GATD1: variants seen among roughly 807,000 people sequenced by gnomAD.
The protein encoded by GATD1 is glutamine amidotransferase class 1 domain containing 1, also known as glutamine amidotransferase-like class 1 domain-containing protein 1.
In GATD1, 23 loss-of-function variants were observed where a neutral mutation model predicts 25.9. The observed-to-expected ratio is 0.89, with a 90% CI of 0.64 to 1.26. The LOEUF (loss-of-function observed/expected upper bound fraction) is 1.26, where lower values mean the gene tolerates loss of function less well. Ranked by LOEUF, GATD1 falls within the 50% of genes most tolerant of loss-of-function variation. The pLI, the probability that GATD1 is intolerant of heterozygous loss-of-function variation, is 0.00. For synonymous variants in GATD1, 177 were observed against 134.6 expected (o/e 1.31, Z -2.18); for missense variants, 347 against 312.5 (o/e 1.11, Z -0.83).
chr11:773,934 C>T, intron 3 of GATD1, 74 bp downstream of exon 3: 1 of 1,409,024 alleles, frequency 7.1e-7, no homozygotes, highest in Non-Finnish European at 9.9e-7. Context: ...CACTAAGACC[C>T]CAAACCTATC....
intron 4 of GATD1, chr11:772,759 A>C (rs1863582291): frequency 3.5e-6 from 2 of 572,986 alleles, no homozygotes; most frequent in Non-Finnish European, 6.3e-6. Flanking sequence ...TTAGAGCCCA[A>C]ATCTCAGGTT....
chr11:777,359 G>A (rs965626868), intron 1 of GATD1, 40 bp downstream of exon 1: 2 of 1,267,918 alleles, frequency 1.6e-6, no homozygotes, highest in Admixed American at 3.9e-5. Context: ...GCCCCCTCGC[G>A]GACGCTCTTC....
Position 769,177 on chromosome 11 carries a change from G to A in GATD1, c.*1720C>T. 1.0e-6 allele frequency: 1 copy of A among 985,468 alleles called. No individual in the cohort carries two copies. The highest frequency in any genetic ancestry group is 1.2e-6 in the Non-Finnish European group (1 of 829,956). The allele number at this position is 985,468 out of a possible 1,614,324, so 61.0% of individuals were successfully genotyped here. On this transcript the variant is annotated 3_prime_UTR_variant, in exon 8 of 8. Transcript: ENST00000319863. The stretch of plus-strand genomic sequence containing the variant: ...CGGGGATGAGAGTGGACCCGGGACA[G>A]AGCAAGGCCCCGTGGCCAGTGCTAA...
Position 771,425 on chromosome 11 carries a change from G to T in GATD1, c.452C>A (p.Pro151His). The change falls in exon 6 of 8, where the codon CCC becomes CAC. Residue 151 changes from proline to histidine, a missense_variant and splice_region_variant. Coordinates refer to ENST00000319863, the MANE Select transcript of GATD1 (RefSeq NM_182612.4). ...WVFDSYSLTG[P>H]SVCELVRAPG... The stretch of plus-strand genomic sequence containing the variant: ...GGCCCTGACGAGCTCACACACAGAG[G>T]GCTGCGGGAGCGGGGTGGGGGCTCC... 1 of 1,528,026 alleles carries T rather than the reference G, an allele frequency of 6.5e-7. No individual in the cohort carries two copies. The highest frequency in any genetic ancestry group is 8.8e-7 in the Non-Finnish European group (1 of 1,141,702). 94.7% of individuals were successfully genotyped at this position (1,528,026 alleles called of 1,614,324 possible). A position where few individuals can be genotyped will look rare whatever the true frequency, so the allele number is the denominator to read the frequency against.
In GATD1 at chr11:770,442, C is replaced by A; in HGVS notation, c.*455G>T. 6.7e-7 allele frequency: 1 copy of A among 1,487,726 alleles called. No individual in the cohort carries two copies. The highest frequency in any genetic ancestry group is 8.9e-7 in the Non-Finnish European group (1 of 1,120,212). 92.2% of individuals were successfully genotyped at this position (1,487,726 alleles called of 1,614,324 possible). ...CTTTGGCCAAAGTTCTGAGCCAGCT[C>A]CCGCCGGCTGGGCCCTCCCCTCAAG... On this transcript the variant is annotated 3_prime_UTR_variant, in exon 8 of 8. Coordinates refer to ENST00000319863, the MANE Select transcript of GATD1 (RefSeq NM_182612.4).
intron 5 of GATD1, among the ~76,000 whole-genome samples, chr11:771,745 C>A (rs1331615718): frequency 1.3e-5 from 2 of 152,150 alleles, no homozygotes. Flanking sequence ...TGGGGCGGGG[C>A]ACCCTCTGGG....
Position 767,400 on chromosome 11 carries a change from G to C in GATD1, c.*3497C>G, listed in dbSNP as rs780306725. ...TGGCAAAGAGAGAACTGTGCACAGC[G>C]GGGAGGCTCTCCAAGCCAGAGGCCT... On this transcript the variant is annotated 3_prime_UTR_variant, in exon 8 of 8. Coordinates refer to ENST00000319863, the MANE Select transcript of GATD1 (RefSeq NM_182612.4). The C allele has an allele frequency of 6.5e-7, 1 of 1,528,830 alleles. No individual in the cohort carries two copies. Among genetic ancestry groups the C allele is most frequent in the African/African-American group, 1.4e-5 (1 of 72,754 alleles). The allele number at this position is 1,528,830 out of a possible 1,614,324, so 94.7% of individuals were successfully genotyped here.
Position 770,139 on chromosome 11 carries a change from C to T in GATD1, c.*758G>A. On this transcript the variant is annotated 3_prime_UTR_variant, in exon 8 of 8. Coordinates refer to ENST00000319863, the MANE Select transcript of GATD1 (RefSeq NM_182612.4). The stretch of plus-strand genomic sequence containing the variant: ...GCCCGCTGGAGGGCCACAGCCCAGG[C>T]CAGGTGCCCAGCAGGCTGGACCACT... The T allele has an allele frequency of 2.4e-6, 3 of 1,246,724 alleles. No homozygotes were observed. The highest frequency in any genetic ancestry group is 3.0e-6 in the Non-Finnish European group (3 of 994,622). 77.2% of individuals were successfully genotyped at this position (1,246,724 alleles called of 1,614,324 possible).
Position 769,365 on chromosome 11 carries a change from G to A in GATD1, c.*1532C>T, listed in dbSNP as rs1174802803. ...GAGACGGAGTTTCACTCATTGCCCAGGTTGGAGTGCAATGGCGCAATCTTG... is the reference window on the plus strand; with the variant it reads ...GAGACGGAGTTTCACTCATTGCCCAAGTTGGAGTGCAATGGCGCAATCTTG... On this transcript the variant is annotated 3_prime_UTR_variant, in exon 8 of 8. Transcript: ENST00000319863. 2 of 928,846 alleles carry A rather than the reference G, an allele frequency of 2.2e-6. No homozygotes were observed. Among genetic ancestry groups the A allele is most frequent in the African/African-American group, 3.6e-5 (2 of 55,912 alleles). 57.5% of individuals were successfully genotyped at this position (928,846 alleles called of 1,614,324 possible).
At chr11:771,742 G>A (rs1256309231) in intron 5 of GATD1, among the ~76,000 whole-genome samples, 2 of 152,164 alleles carry the variant, frequency 1.3e-5, no homozygotes, top group Non-Finnish European at 2.9e-5. Flanking sequence ...TGCTGGGGCG[G>A]GGCACCCTCT....
rs140194844 is a variant in GATD1 at position 769,461 on chromosome 11, C to T, written c.*1436G>A. 269 of 194,508 alleles carry T rather than the reference C, an allele frequency of 1.4e-3. 1 individual carries two copies. Among genetic ancestry groups the T allele is most frequent in the African/African-American group, 6.1e-3 (258 of 42,202 alleles). 12.0% of individuals were successfully genotyped at this position (194,508 alleles called of 1,614,324 possible). The stretch of plus-strand genomic sequence containing the variant: ...TCAGCCTCCCAAGTAGCTGGGAATA[C>T]AGGCGCCTGACACCACACCCGGCTC... On this transcript the variant is annotated 3_prime_UTR_variant, in exon 8 of 8. Transcript: ENST00000319863.
chr11:767,361 C>A lies in GATD1; in HGVS notation c.*3536G>T. ...CTCCTCTGCCCCAGCCTGGTGCTGC[C>A]CCAAGCCCTGCCCTGGCAAAGAGAG... On this transcript the variant is annotated 3_prime_UTR_variant, in exon 8 of 8. Coordinates refer to ENST00000319863, the MANE Select transcript of GATD1 (RefSeq NM_182612.4). 1 of 1,536,162 alleles carries A rather than the reference C, an allele frequency of 6.5e-7. No homozygotes were observed. The highest frequency in any genetic ancestry group is 8.7e-7 in the Non-Finnish European group (1 of 1,146,866).
chr11:777,065 G>C (rs1001429715), intron 1 of GATD1: 10 of 205,146 alleles, frequency 4.9e-5, no homozygotes, highest in African/African-American at 2.3e-4. Flanking sequence ...GCCCAGGCAC[G>C]CGGCTCCCTC....
intron 6 of GATD1, 106 bp downstream of exon 6, chr11:771,227 T>C (rs1863410365): frequency 3.9e-6 from 6 of 1,547,904 alleles, no homozygotes; most frequent in Non-Finnish European, 5.2e-6. Context: ...GTCAGTGCCA[T>C]GGGGGTCTAT....
intron 1 of GATD1, chr11:776,855 T>C (rs533191296): frequency 6.6e-6 from 1 of 152,334 alleles, no homozygotes; most frequent in South Asian, 2.1e-4. Context: ...CCCAGGCCAG[T>C]ACTGCCCTGG....
At chr11:774,709 A>G (rs1236913378) in intron 2 of GATD1, among the ~76,000 whole-genome samples, 1 of 152,228 alleles carries the variant, frequency 6.6e-6, no homozygotes, top group Non-Finnish European at 1.5e-5. Context: ...GCATGCCTGT[A>G]ATCCCAGCTA....
intron 3 of GATD1, 81 bp downstream of exon 3, chr11:773,927 T>G: frequency 7.6e-7 from 1 of 1,313,500 alleles, no homozygotes; most frequent in Non-Finnish European, 1.1e-6. Context: ...GGGAGCTCAC[T>G]AAGACCCCAA....
chr11:771,579 G>A (rs941772808), intron 5 of GATD1, 153 bp from the exon 6 acceptor site: 9 of 1,401,488 alleles, frequency 6.4e-6, no homozygotes, highest in East Asian at 2.6e-5. Context: ...TAAGGCTGGA[G>A]GGCGGAGAGA....
chr11:771,149 C>T (rs1863401735), intron 6 of GATD1, 45 bp from the exon 7 acceptor site: 1 of 1,553,292 alleles, frequency 6.4e-7, no homozygotes, highest in African/African-American at 1.4e-5. Flanking sequence ...GTCCACCTCA[C>T]CCACTGAGAG....
Sources: gnomAD v4.1 joint callset for allele counts (sites outside exome capture counted in the v4.1 genomes callset) on GRCh38, gnomAD v4.1.1 for gene constraint, MANE v1.5 for transcripts, NCBI Gene and HGNC (gene_info 2026-07-23, HGNC 2026-07-21) for gene names.